The following DPY19L1 variants were observed in gnomAD, a reference collection of about 807,000 sequenced individuals.
DPY19L1 encodes the protein dpy-19 like C-mannosyltransferase 1.
A neutral mutation model predicts 96.9 loss-of-function variants in DPY19L1; 35 were observed. That is an observed-to-expected ratio of 0.36 (90% CI 0.28 to 0.48). The LOEUF is 0.48. Ranked by LOEUF, DPY19L1 falls within the 20% of genes least tolerant of loss-of-function variation. The pLI is 0.99. For missense variants in DPY19L1, 521 were observed against 777.9 expected (o/e 0.67, Z 3.93); for synonymous variants, 205 against 252.6 (o/e 0.81, Z 1.79).
chr7:35,032,634 C>T (rs2128684152), intron 1 of DPY19L1, among the ~76,000 whole-genome samples: 1 of 152,156 alleles, frequency 6.6e-6, no homozygotes, highest in South Asian at 2.1e-4. Context: ...CACTGATTGG[C>T]ATTTCTACTT....
intron 6 of DPY19L1, among the ~76,000 whole-genome samples, chr7:34,992,836 C>T (rs1584242436): frequency 2.0e-5 from 3 of 152,098 alleles, no homozygotes; most frequent in African/African-American, 7.2e-5. Context: ...TACCCTTCCC[C>T]AAAAGAAATA....
intron 7 of DPY19L1, among the ~76,000 whole-genome samples, chr7:34,975,873 A>T (rs556726755): frequency 1.3e-5 from 2 of 152,362 alleles, no homozygotes; most frequent in Non-Finnish European, 2.9e-5. Flanking sequence ...GATTGACCAG[A>T]TATTTTAAGC....
chr7:35,013,509 G>T, intron 4 of DPY19L1, 59 bp downstream of exon 4: 1 of 1,391,322 alleles, frequency 7.2e-7, no homozygotes, highest in Non-Finnish European at 1.0e-6. Flanking sequence ...TAGAATCAGC[G>T]TTTAATACAA....
chr7:34,998,389 T>C (rs1337847047), intron 6 of DPY19L1, among the ~76,000 whole-genome samples: 1 of 152,070 alleles, frequency 6.6e-6, no homozygotes, highest in South Asian at 2.1e-4. Flanking sequence ...GTGAAAAAGA[T>C]CATTTAAGTT....
At chr7:34,954,411 A>G (rs1161594403) in intron 13 of DPY19L1, 1 of 190,800 alleles carries the variant, frequency 5.2e-6, no homozygotes. Context: ...GAGAAAAATG[A>G]CTGTATAGAG....
intron 1 of DPY19L1, among the ~76,000 whole-genome samples, chr7:35,035,694 G>A (rs1786376902): frequency 6.6e-6 from 1 of 152,132 alleles, no homozygotes; most frequent in Admixed American, 6.5e-5. Flanking sequence ...ATCCTTAACA[G>A]ATCCTGTGGA....
At chr7:34,971,510 A>ATGGGATCAAGATGGGATTC (rs1427209468) in intron 8 of DPY19L1, among the ~76,000 whole-genome samples, 1 of 152,198 alleles carries the variant, frequency 6.6e-6, no homozygotes, top group Non-Finnish European at 1.5e-5. Flanking sequence ...GATGGATCTG[A>ATGGGATCAAGATGGGATTC]ACCAGGAGTG....
intron 6 of DPY19L1, among the ~76,000 whole-genome samples, chr7:34,998,284 A>G (rs1041236564): frequency 6.6e-6 from 1 of 152,216 alleles, no homozygotes; most frequent in Non-Finnish European, 1.5e-5. Flanking sequence ...AACTGGGTAG[A>G]GACAACGGTA....
chr7:34,969,608 G>C (rs144472784), intron 8 of DPY19L1, 76 bp from the exon 9 acceptor site: 2 of 653,814 alleles, frequency 3.1e-6, no homozygotes, highest in Non-Finnish European at 2.4e-6. Context: ...CTGCAAATTA[G>C]AATCTCGAAA....
intron 6 of DPY19L1, among the ~76,000 whole-genome samples, chr7:34,998,847 A>AGG (rs1009204049): frequency 6.6e-6 from 1 of 152,352 alleles, no homozygotes. Flanking sequence ...TACAAATTGA[A>AGG]GGGGGACCTA....
intron 7 of DPY19L1, chr7:34,988,069 T>G (rs1482823708): frequency 6.6e-6 from 1 of 152,086 alleles, no homozygotes; most frequent in Non-Finnish European, 1.5e-5. Flanking sequence ...GCCAGTTGAA[T>G]AGTCTGAATT....
chr7:35,035,556 G>T (rs1786372328), intron 1 of DPY19L1, among the ~76,000 whole-genome samples: 1 of 152,164 alleles, frequency 6.6e-6, no homozygotes, highest in African/African-American at 2.4e-5. Context: ...CAATAAAAAT[G>T]CAACTCCATT....
At chr7:34,999,037 G>A (rs1379064567) in intron 6 of DPY19L1, among the ~76,000 whole-genome samples, 1 of 152,172 alleles carries the variant, frequency 6.6e-6, no homozygotes, top group Non-Finnish European at 1.5e-5. Flanking sequence ...CAGGAAAAAA[G>A]AAATGGAGAA....
intron 4 of DPY19L1, among the ~76,000 whole-genome samples, chr7:35,012,506 A>C (rs1039642223): frequency 1.3e-5 from 2 of 152,236 alleles, no homozygotes; most frequent in African/African-American, 4.8e-5. Context: ...AAAAAAGCTT[A>C]CTTCAAATCA....
intron 7 of DPY19L1, among the ~76,000 whole-genome samples, chr7:34,989,638 C>CAAAAACAACAAAAAA (rs1785122733): frequency 8.9e-6 from 1 of 111,776 alleles, no homozygotes. Context: ...AAAACAACAA[C>CAAAAACAACAAAAAA]AACAACAAAA....
At chr7:34,985,919 A>T (rs1785037041) in intron 7 of DPY19L1, among the ~76,000 whole-genome samples, 1 of 152,056 alleles carries the variant, frequency 6.6e-6, no homozygotes, top group Non-Finnish European at 1.5e-5. Flanking sequence ...AGTGTCCATA[A>T]AGAGATTAAT....
intron 6 of DPY19L1, among the ~76,000 whole-genome samples, chr7:35,002,299 T>C (rs1452327979): frequency 1.3e-5 from 2 of 151,908 alleles, no homozygotes; most frequent in African/African-American, 4.8e-5. Context: ...AAGGAATGTT[T>C]ATAGAACAAA....
At chr7:34,965,606 T>C (rs990612454) in intron 10 of DPY19L1, among the ~76,000 whole-genome samples, 7 of 152,218 alleles carry the variant, frequency 4.6e-5, no homozygotes, top group African/African-American at 1.4e-4. Context: ...AGTAGGCTCC[T>C]GGTTGTTTAT....
At chr7:35,012,753 C>CAA in intron 4 of DPY19L1, among the ~76,000 whole-genome samples, 1 of 151,766 alleles carries the variant, frequency 6.6e-6, no homozygotes, top group African/African-American at 2.4e-5. Flanking sequence ...AGACATCATA[C>CAA]ACAAAGCTAA....
Sources: allele counts gnomAD v4.1 joint callset (sites outside exome capture counted in the v4.1 genomes callset), GRCh38; gene constraint gnomAD v4.1.1; transcripts MANE v1.5; gene names NCBI Gene and HGNC (gene_info 2026-07-23, HGNC 2026-07-21).